DLG2: variants seen among roughly 807,000 people sequenced by gnomAD.
DLG2 encodes disks large homolog 2.
Under a neutral mutation model 132.5 loss-of-function variants are expected in DLG2, and 45 were observed. That is an observed-to-expected ratio of 0.34 (90% CI 0.27 to 0.44). The LOEUF (loss-of-function observed/expected upper bound fraction) is 0.44. Among genes scored for constraint, DLG2 ranks in the 20% least tolerant of loss-of-function variants. The pLI, the probability that DLG2 is intolerant of heterozygous loss-of-function variation, is 1.00. For missense variants in DLG2, 1,045 were observed against 1,196.9 expected, an observed-to-expected ratio of 0.87 and a Z score of 1.87; for synonymous variants, 424 against 419.6, an observed-to-expected ratio of 1.01 and a Z score of -0.13.
In DLG2 at chr11:85,191,313, A is replaced by G. The variant is rs192069092; in HGVS notation, c.187-36662T>C. 7.2e-5 allele frequency among the ~76,000 whole-genome samples: 11 copies of G among 152,114 alleles called. No individual in the cohort carries two copies. The East Asian group carries it at 2.1e-3, about 29-fold the overall frequency. On this transcript the variant is annotated intron_variant, in intron 4 of 27. Transcript: ENST00000376104. ...TTGGACCCAGTAGTGGAAGGAAATA[A>G]CAGAAGTTAAACTCTCTACCACTTT...
chr11:85,170,861 CT>C (rs954526972), intron 4 of DLG2, among the ~76,000 whole-genome samples: 26 of 151,856 alleles, frequency 1.7e-4, no homozygotes, highest in African/African-American at 6.3e-4. Context: ...AGGGCTTTCT[CT>C]TTTTGCTTTC....
chr11:84,302,482 A>G (rs552601509), intron 7 of DLG2, among the ~76,000 whole-genome samples: 4 of 152,332 alleles, frequency 2.6e-5, no homozygotes, highest in South Asian at 4.1e-4. Flanking sequence ...CTTAACAGAC[A>G]TATATAAATG....
intron 6 of DLG2, among the ~76,000 whole-genome samples, chr11:84,836,646 T>C (rs2079823179): frequency 6.6e-6 from 1 of 151,820 alleles, no homozygotes; most frequent in African/African-American, 2.4e-5. Context: ...CCCTCAAGGA[T>C]CTTACAGGCA....
chr11:83,810,569 A>G (rs1594774252), intron 17 of DLG2, among the ~76,000 whole-genome samples: 1 of 152,066 alleles, frequency 6.6e-6, no homozygotes, highest in South Asian at 2.1e-4. Flanking sequence ...TGTTTATTAA[A>G]TAAACAACAA....
chr11:84,170,408 T>C (rs2095793972), intron 8 of DLG2, among the ~76,000 whole-genome samples: 1 of 152,224 alleles, frequency 6.6e-6, no homozygotes, highest in African/African-American at 2.4e-5. Flanking sequence ...ATATGGTTCC[T>C]GCCCTCAAAT....
chr11:84,723,346 G>A (rs1017455996), intron 6 of DLG2, among the ~76,000 whole-genome samples: 8 of 152,158 alleles, frequency 5.3e-5, no homozygotes, highest in Non-Finnish European at 1.0e-4. Flanking sequence ...TTGATAAAGT[G>A]AAATGACAAA....
chr11:83,864,924 C>A (rs1425141116), intron 16 of DLG2, among the ~76,000 whole-genome samples: 1 of 152,202 alleles, frequency 6.6e-6, no homozygotes, highest in Non-Finnish European at 1.5e-5. Flanking sequence ...GTTTTTGGTT[C>A]TTGTTAGCCA....
At chr11:84,736,495 A>C (rs1203641578) in intron 6 of DLG2, among the ~76,000 whole-genome samples, 1 of 151,910 alleles carries the variant, frequency 6.6e-6, no homozygotes, top group Non-Finnish European at 1.5e-5. Flanking sequence ...CATCTTAATG[A>C]TACTGATTCT....
chr11:83,881,290 C>T (rs556368171), intron 15 of DLG2, among the ~76,000 whole-genome samples: 1 of 152,148 alleles, frequency 6.6e-6, no homozygotes, highest in African/African-American at 2.4e-5. Context: ...TATTTGTGAC[C>T]TCAAATGATT....
intron 6 of DLG2, among the ~76,000 whole-genome samples, chr11:84,994,329 G>T (rs1160836938): frequency 6.6e-6 from 1 of 152,088 alleles, no homozygotes; most frequent in African/African-American, 2.4e-5. Context: ...ACTTCAAGTG[G>T]GATCATTCCT....
chr11:84,870,715 C>A (rs1434075121), intron 6 of DLG2, among the ~76,000 whole-genome samples: 1 of 152,126 alleles, frequency 6.6e-6, no homozygotes, highest in Non-Finnish European at 1.5e-5. Flanking sequence ...TATACACATA[C>A]CTTCCCACTT....
intron 3 of DLG2, among the ~76,000 whole-genome samples, chr11:85,519,954 A>G (rs2074149664): frequency 6.6e-6 from 1 of 152,148 alleles, no homozygotes; most frequent in African/African-American, 2.4e-5. Flanking sequence ...TAGAACTGTA[A>G]GTCCAATAAA....
chr11:85,412,934 G>C (rs67863848), intron 3 of DLG2, among the ~76,000 whole-genome samples: 4,022 of 151,852 alleles, frequency 0.026, 89 homozygotes, highest in Non-Finnish European at 0.044. Flanking sequence ...AGCCAGTACT[G>C]AGATTGTTGG....
chr11:84,223,556 C>CTT (rs5793116), intron 8 of DLG2, among the ~76,000 whole-genome samples: 4 of 131,574 alleles, frequency 3.0e-5, no homozygotes, highest in Admixed American at 7.7e-5. Flanking sequence ...ATTTATGTGA[C>CTT]TTTTTTTTTT....
chr11:83,840,483 A>AAT (rs1435149030), intron 16 of DLG2, among the ~76,000 whole-genome samples: 1 of 152,228 alleles, frequency 6.6e-6, no homozygotes, highest in East Asian at 1.9e-4. Flanking sequence ...TATAGATCAC[A>AAT]AAACACAAAT....
intron 6 of DLG2, among the ~76,000 whole-genome samples, chr11:84,831,814 G>A: frequency 6.6e-6 from 1 of 151,608 alleles, no homozygotes; most frequent in Non-Finnish European, 1.5e-5. Flanking sequence ...TTAAAATAAT[G>A]TTTGAACTAT....
At chr11:84,788,110 A>AAG (rs1402113157) in intron 6 of DLG2, among the ~76,000 whole-genome samples, 1 of 149,626 alleles carries the variant, frequency 6.7e-6, no homozygotes, top group East Asian at 1.9e-4. Flanking sequence ...CAAAAAAAAA[A>AAG]AAAAAAAAAA....
chr11:84,485,841 T>A lies in DLG2; in HGVS notation c.519+48729A>T, dbSNP rs187189649. On this transcript the variant is annotated intron_variant, in intron 7 of 27. Transcript: ENST00000376104. ...TTGTAAGAATGCAGTAAACCTGAAA[T>A]CTCAGTAGCTTAATAATACAAAGGC... is the stretch of plus-strand genomic sequence containing the variant. Among the ~76,000 whole-genome samples the A allele has an allele frequency of 5.2e-4, 79 of 152,254 alleles. 2 individuals are homozygous for A. In the East Asian group the frequency reaches 0.011, roughly 21 times the overall value.
At chr11:84,570,361 C>T (rs2099477077) in intron 6 of DLG2, among the ~76,000 whole-genome samples, 1 of 152,160 alleles carries the variant, frequency 6.6e-6, no homozygotes, top group South Asian at 2.1e-4. Context: ...AGGTATCTCA[C>T]TCTTGTTCAC....
Sources: gnomAD v4.1 joint callset for allele counts (sites outside exome capture counted in the v4.1 genomes callset) on GRCh38, gnomAD v4.1.1 for gene constraint, MANE v1.5 for transcripts, NCBI Gene and HGNC (gene_info 2026-07-23, HGNC 2026-07-21) for gene names.